The following WNK1 variants were observed in gnomAD, a reference collection of about 807,000 sequenced individuals.
WNK1 encodes serine/threonine-protein kinase WNK1.
WNK1 carries 38 observed loss-of-function variants against 222.8 expected under a neutral mutation model. The observed-to-expected ratio is 0.17, with a 90% CI of 0.13 to 0.22. WNK1 has a LOEUF of 0.22. WNK1 is among the 10% of genes least tolerant of loss of function. WNK1 has a pLI of 1.00. For missense variants in WNK1, 2,348 were observed against 2,918.4 expected (o/e 0.80, Z 4.50); for synonymous variants, 1,090 against 1,092.9 (o/e 1.00, Z 0.05).
rs1248183013 is a variant in WNK1 at position 911,264 on chromosome 12, C to G, written c.*2472C>G. 2.5e-6 allele frequency: 1 copy of G among 398,416 alleles called. No homozygotes were observed. Among genetic ancestry groups the G allele is most frequent in the Non-Finnish European group, 4.4e-6 (1 of 226,054 alleles). The allele number at this position is 398,416 out of a possible 1,614,324, so 24.7% of individuals were successfully genotyped here. ...TAAATGTTTTCCTTACATTATTTAA[C>G]AATGTACACTGTTAAAAATAAAAAT... On this transcript the variant is annotated 3_prime_UTR_variant, in exon 28 of 28. Coordinates refer to ENST00000315939, the MANE Select transcript of WNK1 (RefSeq NM_018979.4).
chr12:833,767 T>G (rs1390438281), intron 4 of WNK1, among the ~76,000 whole-genome samples: 1 of 152,222 alleles, frequency 6.6e-6, no homozygotes, highest in African/African-American at 2.4e-5. Flanking sequence ...CTAGTACATC[T>G]GTATAATTTC....
chr12:830,005 A>ATGG lies in WNK1; in HGVS notation c.1156_1157insTGG (p.Thr386delinsMetAla). Reference sequence around the variant, plus strand: ...CTGAATCGTTCTTTTAATTTAAGGTACCCCAGAGTTCATGGCCCCTGAGAT... The same window carrying ATGG: ...CTGAATCGTTCTTTTAATTTAAGGTATGGCCCCAGAGTTCATGGCCCCTGAGAT... On this transcript the variant is annotated protein_altering_variant, in exon 4 of 28. Coordinates refer to ENST00000315939, the MANE Select transcript of WNK1 (RefSeq NM_018979.4). The ATGG allele has an allele frequency of 6.2e-7, 1 of 1,613,922 alleles. No homozygotes were observed. The highest frequency in any genetic ancestry group is 1.6e-4 in the Middle Eastern group (1 of 6,062).
chr12:883,834 G>A lies in WNK1; in HGVS notation c.3721+3G>A. On this transcript the variant is annotated splice_donor_region_variant and intron_variant, in intron 17 of 27. Transcript: ENST00000315939. The stretch of plus-strand genomic sequence containing the variant: ...GTCTTCCATGCCACAGCAAATAGGT[G>A]AATTTATTTTCTTTCCTTGTTTTTA... The A allele has an allele frequency of 1.9e-6, 3 of 1,613,728 alleles. No homozygotes were observed. Among genetic ancestry groups the A allele is most frequent in the Admixed American group, 3.3e-5 (2 of 60,000 alleles).
chr12:811,008 G>A (rs1946854259), intron 1 of WNK1, among the ~76,000 whole-genome samples: 1 of 152,114 alleles, frequency 6.6e-6, no homozygotes, highest in African/African-American at 2.4e-5. Flanking sequence ...TGAATAGAAT[G>A]GGTTAGCTGT....
intron 1 of WNK1, among the ~76,000 whole-genome samples, chr12:796,892 CAA>C (rs368418939): frequency 0.42 from 64,409 of 151,890 alleles, 15,252 homozygotes; most frequent in East Asian, 0.81. Context: ...TATGAAGATG[CAA>C]ATCTGATCAC....
rs995813769 is a variant in WNK1 at position 880,837 on chromosome 12, A to G, written c.2949A>G (p.Glu983=). 5 of 1,614,072 alleles carry G rather than the reference A, an allele frequency of 3.1e-6. No individual in the cohort carries two copies. Among genetic ancestry groups the G allele is most frequent in the Non-Finnish European group, 4.2e-6 (5 of 1,180,022 alleles). ...TCCTATCCCCTCCCATGCCGACAGA[A>G]GTACTGGCTACACCTGGGTACTTTC... is the stretch of plus-strand genomic sequence containing the variant. ...STVLSPPMPT[E]VLATPGYFPT... Residue 983 remains glutamate, a synonymous_variant, in exon 12 of 28, where the codon GAA becomes GAG. Coordinates refer to ENST00000315939, the MANE Select transcript of WNK1 (RefSeq NM_018979.4).
intron 1 of WNK1, among the ~76,000 whole-genome samples, chr12:774,451 G>A (rs1419565711): frequency 6.6e-6 from 1 of 152,114 alleles, no homozygotes; most frequent in Non-Finnish European, 1.5e-5. Flanking sequence ...CTAATTGCTG[G>A]TTCTAAAATA....
chr12:888,184 C>T (rs1036076636), intron 20 of WNK1, among the ~76,000 whole-genome samples: 10 of 152,040 alleles, frequency 6.6e-5, no homozygotes, highest in African/African-American at 2.2e-4. Flanking sequence ...AAATTGCTTA[C>T]TTGAGAAGCT....
chr12:897,017 ACTT>A (rs943635298), intron 24 of WNK1, among the ~76,000 whole-genome samples: 2 of 151,396 alleles, frequency 1.3e-5, no homozygotes, highest in South Asian at 2.1e-4. Context: ...TAGTTCTAGA[ACTT>A]CTTCATTGTT....
In WNK1 at chr12:885,199, T is replaced by C; in HGVS notation, c.4395T>C (p.Ala1465=). Residue 1465 remains alanine (A), a synonymous_variant, in exon 19 of 28, where the codon GCT becomes GCC. Transcript: ENST00000315939. Reference sequence around the variant, plus strand: ...CAGCCTCTGCAGGGGGCAGTACTGCTACCCCAGGTCCTAAGCCTCCAGCTG... The same window carrying C: ...CAGCCTCTGCAGGGGGCAGTACTGCCACCCCAGGTCCTAAGCCTCCAGCTG... ...ATSASAGGST[A]TPGPKPPAVV... The C allele has an allele frequency of 6.2e-7, 1 of 1,614,190 alleles. No individual in the cohort carries two copies. Among genetic ancestry groups the C allele is most frequent in the Non-Finnish European group, 8.5e-7 (1 of 1,180,036 alleles).
intron 1 of WNK1, among the ~76,000 whole-genome samples, chr12:780,765 C>T (rs1003914835): frequency 2.0e-5 from 3 of 152,126 alleles, no homozygotes; most frequent in Non-Finnish European, 4.4e-5. Flanking sequence ...AGAAGAATGA[C>T]CTTGGGTAAG....
At chr12:888,307 A>T (rs1565589934) in intron 20 of WNK1, among the ~76,000 whole-genome samples, 1 of 152,214 alleles carries the variant, frequency 6.6e-6, no homozygotes, top group Non-Finnish European at 1.5e-5. Flanking sequence ...ATCAGCCACC[A>T]CATTTGGGGG....
At chr12:889,695 G>A (rs1174111319) in intron 21 of WNK1, among the ~76,000 whole-genome samples, 1 of 152,132 alleles carries the variant, frequency 6.6e-6, no homozygotes, top group African/African-American at 2.4e-5. Flanking sequence ...GTGCACGCCT[G>A]TAGTCCCAGC....
chr12:793,167 C>T (rs1237145442), intron 1 of WNK1, among the ~76,000 whole-genome samples: 2 of 152,164 alleles, frequency 1.3e-5, no homozygotes, highest in South Asian at 2.1e-4. Flanking sequence ...ATAACATCTT[C>T]ATGTGGCCTA....
intron 4 of WNK1, among the ~76,000 whole-genome samples, chr12:842,763 G>C (rs911765927): frequency 4.6e-5 from 7 of 152,086 alleles, no homozygotes; most frequent in Admixed American, 2.0e-4. Flanking sequence ...CTGTTTTCTT[G>C]ATCTTCAGGA....
chr12:757,204 T>A (rs1021752172), intron 1 of WNK1, among the ~76,000 whole-genome samples: 2 of 152,216 alleles, frequency 1.3e-5, no homozygotes, highest in Non-Finnish European at 2.9e-5. Context: ...ATAAATAGGC[T>A]TTTGTGGATG....
intron 19 of WNK1, among the ~76,000 whole-genome samples, chr12:886,449 T>G (rs915387910): frequency 6.6e-6 from 1 of 152,210 alleles, no homozygotes; most frequent in African/African-American, 2.4e-5. Context: ...TAGTCTTTGT[T>G]TCAGTGAGAA....
At chr12:866,861 C>T (rs1232893932) in intron 8 of WNK1, among the ~76,000 whole-genome samples, 1 of 152,098 alleles carries the variant, frequency 6.6e-6, no homozygotes, top group African/African-American at 2.4e-5. Flanking sequence ...CAGTGGCTCA[C>T]GCCTGTAATC....
rs1956075134 is a variant in WNK1, at chr12:911,378, T to G, written c.*2586T>G. 1 of 398,554 alleles carries G rather than the reference T, an allele frequency of 2.5e-6. No individual in the cohort carries two copies. The highest frequency in any genetic ancestry group is 2.1e-5 in the African/African-American group (1 of 48,654). 24.7% of individuals were successfully genotyped at this position (398,554 alleles called of 1,614,324 possible). On this transcript the variant is annotated 3_prime_UTR_variant, in exon 28 of 28. Transcript: ENST00000315939. ...TGTTGCGCTTCTTGTAAGATTGCGC[T>G]TTGTGCTTCAGTTTGTTACCTTTGT...
Sources: allele counts gnomAD v4.1 joint callset (sites outside exome capture counted in the v4.1 genomes callset), GRCh38; gene constraint gnomAD v4.1.1; transcripts MANE v1.5; gene names NCBI Gene and HGNC (gene_info 2026-07-23, HGNC 2026-07-21).